The following AFAP1 variants were observed in gnomAD, a reference collection of about 807,000 sequenced individuals.
AFAP1 encodes the protein actin filament associated protein 1, also known as actin filament-associated protein 1.
Under a neutral mutation model 93.9 loss-of-function variants are expected in AFAP1, and 75 were observed. The ratio of observed to expected loss-of-function variants is 0.80; its 90% confidence interval spans 0.66 to 0.97. AFAP1 has a LOEUF of 0.97. Among genes scored for constraint, AFAP1 ranks in the 50% least tolerant of loss-of-function variants. The pLI is 0.00. For missense variants in AFAP1, 1,201 were observed against 1,050.8 expected (o/e 1.14, Z -1.98); for synonymous variants, 517 against 430.7 (o/e 1.20, Z -2.48).
chr4:7,866,456 A>G (rs896105909), intron 3 of AFAP1, among the ~76,000 whole-genome samples: 1 of 152,186 alleles, frequency 6.6e-6, no homozygotes, highest in Non-Finnish European at 1.5e-5. Context: ...TCAGCCTCCC[A>G]AAGTGCTGGG....
At chr4:7,763,983 C>T (rs1714180592) in intron 17 of AFAP1, among the ~76,000 whole-genome samples, 192 bp from the exon 18 acceptor site, 2 of 152,180 alleles carry the variant, frequency 1.3e-5, no homozygotes, top group Admixed American at 1.3e-4. Flanking sequence ...GCATGGTCTC[C>T]AGCAGATACC....
chr4:7,827,348 G>A (rs1577259937), intron 6 of AFAP1, among the ~76,000 whole-genome samples: 1 of 151,834 alleles, frequency 6.6e-6, no homozygotes, highest in South Asian at 2.1e-4. Flanking sequence ...GAGGCAGGCG[G>A]ATCACCTGAG....
At chr4:7,895,852 GTTT>G (rs35666187) in intron 1 of AFAP1, among the ~76,000 whole-genome samples, 49 of 110,608 alleles carry the variant, frequency 4.4e-4, no homozygotes, top group African/African-American at 1.4e-3. Flanking sequence ...TCTTCAGAAA[GTTT>G]TTTTTTTTTT....
chr4:7,768,944 G>A lies in AFAP1; in HGVS notation c.2318C>T (p.Thr773Ile). 1 of 1,613,952 alleles carries A rather than the reference G, an allele frequency of 6.2e-7. No individual in the cohort carries two copies. The highest frequency in any genetic ancestry group is 1.1e-5 in the South Asian group (1 of 91,058). ...GCTGTTCACCGGCACGGGGCCCTCG[G>A]TGTCACTGGTGTCACAGCTGGAGAT... ...SPISSCDTSD[T>I]EGPVPVNSAA... Residue 773 changes from threonine to isoleucine, a missense_variant, in exon 17 of 18, where the codon ACC becomes ATC. By Grantham distance (89) the Thr-to-Ile change is moderately conservative. Transcript: ENST00000420658.
chr4:7,784,827 G>A (rs1182919766), intron 12 of AFAP1, among the ~76,000 whole-genome samples: 1 of 152,192 alleles, frequency 6.6e-6, no homozygotes, highest in African/African-American at 2.4e-5. Context: ...CAAGGAGGCT[G>A]TTGTCTCTTG....
intron 6 of AFAP1, among the ~76,000 whole-genome samples, chr4:7,828,731 T>A (rs1442816670): frequency 6.6e-6 from 1 of 152,198 alleles, no homozygotes; most frequent in African/African-American, 2.4e-5. Context: ...ACCATTATTA[T>A]ACCCACCTTT....
At chr4:7,775,053 A>C (rs1483933163) in intron 14 of AFAP1, 150 bp from the exon 15 acceptor site, 2 of 932,688 alleles carry the variant, frequency 2.1e-6, no homozygotes, top group Admixed American at 5.6e-5. Flanking sequence ...AGGTGGGAGA[A>C]TCGCTTGAGC....
intron 8 of AFAP1, among the ~76,000 whole-genome samples, chr4:7,810,829 C>G (rs979358543): frequency 1.3e-5 from 2 of 152,178 alleles, no homozygotes; most frequent in Non-Finnish European, 2.9e-5. Flanking sequence ...TCTCATCACT[C>G]CCCATCATCT....
chr4:7,803,771 C>T (rs972828151), intron 9 of AFAP1, among the ~76,000 whole-genome samples: 1 of 152,270 alleles, frequency 6.6e-6, no homozygotes, highest in Non-Finnish European at 1.5e-5. Flanking sequence ...CTTGACATTT[C>T]AGCTGTAAAA....
In AFAP1 at chr4:7,855,033, C is replaced by T. The variant is rs116288720; in HGVS notation, c.334+433G>A. Among the ~76,000 whole-genome samples, 888 of 152,286 alleles carry T rather than the reference C, an allele frequency of 5.8e-3. 7 individuals carry two copies. The highest frequency in any genetic ancestry group is 0.019 in the African/African-American group (780 of 41,546). On this transcript the variant is annotated intron_variant, in intron 4 of 17. Transcript: ENST00000420658. ...AAAAACCAAAAGTCTATGACAGAGA[C>T]GCCTGTTTGTGCTGTACCCAATTAT...
chr4:7,816,126 T>A (rs765174764), intron 7 of AFAP1, 27 bp from the exon 8 acceptor site: 2 of 1,584,560 alleles, frequency 1.3e-6, no homozygotes, highest in Admixed American at 3.4e-5. Flanking sequence ...ATTAAGTTAT[T>A]CTTACAGTGG....
intron 1 of AFAP1, among the ~76,000 whole-genome samples, chr4:7,934,418 C>T (rs1293516379): frequency 6.6e-6 from 1 of 152,186 alleles, no homozygotes; most frequent in African/African-American, 2.4e-5. Flanking sequence ...TAGAACGGTG[C>T]CCCTGCACTT....
intron 8 of AFAP1, among the ~76,000 whole-genome samples, chr4:7,814,587 C>T (rs1720311456): frequency 6.6e-6 from 1 of 152,200 alleles, no homozygotes; most frequent in African/African-American, 2.4e-5. Context: ...CCAGCAGCAG[C>T]AAAGAACCAA....
intron 3 of AFAP1, among the ~76,000 whole-genome samples, chr4:7,861,751 A>C (rs1715727885): frequency 6.6e-6 from 1 of 152,268 alleles, no homozygotes; most frequent in African/African-American, 2.4e-5. Flanking sequence ...GGGATTATAC[A>C]TGAGCCAAAA....
chr4:7,903,315 A>C (rs894010094), intron 1 of AFAP1, among the ~76,000 whole-genome samples: 1 of 152,356 alleles, frequency 6.6e-6, no homozygotes, highest in East Asian at 1.9e-4. Context: ...GCTGTAGAAG[A>C]AAATACACCA....
At chr4:7,837,623 C>T (rs1712463837) in intron 6 of AFAP1, among the ~76,000 whole-genome samples, 1 of 152,096 alleles carries the variant, frequency 6.6e-6, no homozygotes, top group Non-Finnish European at 1.5e-5. Flanking sequence ...AATTAAGAAC[C>T]CAGTGAACAG....
intron 4 of AFAP1, among the ~76,000 whole-genome samples, chr4:7,851,436 A>G (rs1714428045): frequency 6.6e-6 from 1 of 152,154 alleles, no homozygotes; most frequent in African/African-American, 2.4e-5. Flanking sequence ...GATGATCGAC[A>G]ATGGAGAGGA....
chr4:7,891,096 A>C (rs1469873973), intron 1 of AFAP1, among the ~76,000 whole-genome samples: 1 of 152,208 alleles, frequency 6.6e-6, no homozygotes, highest in East Asian at 1.9e-4. Flanking sequence ...CCAAAAAAAA[A>C]AATAAATAAA....
rs1713485814 is a variant in AFAP1 at position 7,759,546 on chromosome 4, G to A, written c.*4219C>T. 6.6e-6 allele frequency: 1 copy of A among 152,428 alleles called. No individual in the cohort carries two copies. The highest frequency in any genetic ancestry group is 1.5e-5 in the Non-Finnish European group (1 of 67,926). 9.4% of individuals were successfully genotyped at this position (152,428 alleles called of 1,614,324 possible). ...CAGTATGAACCCAGCCCACCAAGGGGATAAGAAGACAGTGACAACCAGGAA... is the reference window on the plus strand; with the variant it reads ...CAGTATGAACCCAGCCCACCAAGGGAATAAGAAGACAGTGACAACCAGGAA... On this transcript the variant is annotated 3_prime_UTR_variant, in exon 18 of 18. Coordinates refer to ENST00000420658, the MANE Select transcript of AFAP1 (RefSeq NM_001134647.2).
Sources: allele counts gnomAD v4.1 joint callset (sites outside exome capture counted in the v4.1 genomes callset), GRCh38; gene constraint gnomAD v4.1.1; transcripts MANE v1.5; gene names NCBI Gene and HGNC (gene_info 2026-07-23, HGNC 2026-07-21).